The following THSD7B variants were observed in gnomAD, a reference collection of about 807,000 sequenced individuals.
The protein encoded by THSD7B is thrombospondin type-1 domain-containing protein 7B.
THSD7B carries 138 observed loss-of-function variants against 213.6 expected under a neutral mutation model. The ratio of observed to expected loss-of-function variants is 0.65; its 90% CI spans 0.56 to 0.74. The LOEUF is 0.74. Among genes scored for constraint, THSD7B ranks in the 30% least tolerant of loss-of-function variants. The probability of loss-of-function intolerance (pLI) is 0.00; values close to 1 mark genes in which losing one functional copy is unlikely to be tolerated. For synonymous variants in THSD7B, 742 were observed against 687.0 expected (o/e 1.08, Z -1.25); for missense variants, 1,931 against 1,991.5 (o/e 0.97, Z 0.58).
intron 12 of THSD7B, among the ~76,000 whole-genome samples, chr2:137,284,494 G>T (rs1412732916): frequency 6.6e-6 from 1 of 151,754 alleles, no homozygotes; most frequent in Non-Finnish European, 1.5e-5. Context: ...GTGATGTTAG[G>T]GTGTCAATTT....
intron 15 of THSD7B, among the ~76,000 whole-genome samples, chr2:137,553,708 A>G (rs1680895358): frequency 6.6e-6 from 1 of 152,158 alleles, no homozygotes; most frequent in Non-Finnish European, 1.5e-5. Flanking sequence ...CCATTCAGAA[A>G]TAGATTTCAT....
intron 1 of THSD7B, among the ~76,000 whole-genome samples, chr2:136,862,157 G>T (rs1016623845): frequency 6.6e-6 from 1 of 152,198 alleles, no homozygotes; most frequent in Non-Finnish European, 1.5e-5. Flanking sequence ...CCCATTAGGG[G>T]TGGGACTGTA....
chr2:137,365,501 G>C (rs1685386578), intron 12 of THSD7B, among the ~76,000 whole-genome samples: 1 of 152,140 alleles, frequency 6.6e-6, no homozygotes, highest in Non-Finnish European at 1.5e-5. Context: ...ATCTGACAAA[G>C]GGCTAATATC....
At chr2:137,357,408 A>G (rs1219785141) in intron 12 of THSD7B, among the ~76,000 whole-genome samples, 1 of 151,654 alleles carries the variant, frequency 6.6e-6, no homozygotes, top group East Asian at 1.9e-4. Flanking sequence ...TCTGAGCTTT[A>G]GAGTTTTTTT....
chr2:137,075,361 C>T (rs182825366), intron 3 of THSD7B, among the ~76,000 whole-genome samples: 1 of 152,310 alleles, frequency 6.6e-6, no homozygotes, highest in East Asian at 1.9e-4. Context: ...GGTACTCTTT[C>T]TTCCAGTTGA....
intron 17 of THSD7B, among the ~76,000 whole-genome samples, chr2:137,588,434 G>A (rs1031093705): frequency 1.5e-4 from 22 of 151,198 alleles, no homozygotes; most frequent in African/African-American, 5.3e-4. Flanking sequence ...CTCATGCTGG[G>A]CTATTTGATG....
At chr2:137,616,962 C>T (rs1682398517) in intron 18 of THSD7B, among the ~76,000 whole-genome samples, 1 of 152,064 alleles carries the variant, frequency 6.6e-6, no homozygotes, top group Non-Finnish European at 1.5e-5. Context: ...TAAGTCACAG[C>T]ATTGAATTCA....
chr2:137,029,983 A>C (rs1429867611), intron 2 of THSD7B, among the ~76,000 whole-genome samples: 2 of 152,172 alleles, frequency 1.3e-5, no homozygotes, highest in African/African-American at 2.4e-5. Flanking sequence ...TGATCTGTAT[A>C]AGACTGTGCT....
At chr2:137,357,717 A>G (rs114590105) in intron 12 of THSD7B, among the ~76,000 whole-genome samples, 1,972 of 152,274 alleles carry the variant, frequency 0.013, 56 homozygotes, top group African/African-American at 0.046. Flanking sequence ...CAGTTCTCCT[A>G]CCCACCACTC....
At chr2:136,938,343 A>G (rs1684766543) in intron 2 of THSD7B, among the ~76,000 whole-genome samples, 2 of 152,170 alleles carry the variant, frequency 1.3e-5, no homozygotes, top group South Asian at 2.1e-4. Flanking sequence ...GAACCCAGAG[A>G]CTGAGGAGCT....
chr2:136,880,474 AG>A (rs1683600123), intron 1 of THSD7B, among the ~76,000 whole-genome samples: 1 of 152,122 alleles, frequency 6.6e-6, no homozygotes, highest in Non-Finnish European at 1.5e-5. Flanking sequence ...ACTCCACTAC[AG>A]TTTTCTTATT....
chr2:136,912,854 C>T (rs903092233), intron 2 of THSD7B, among the ~76,000 whole-genome samples: 1 of 152,164 alleles, frequency 6.6e-6, no homozygotes, highest in Non-Finnish European at 1.5e-5. Flanking sequence ...TTCCCAGTCT[C>T]AGATATGTCT....
chr2:137,124,099 A>G (rs567249283), intron 5 of THSD7B, among the ~76,000 whole-genome samples: 37 of 152,250 alleles, frequency 2.4e-4, no homozygotes, highest in African/African-American at 8.9e-4. Context: ...ATGAACAGTT[A>G]AGTTCTTTTT....
Position 136,973,147 on chromosome 2 carries a change from A to G in THSD7B, c.140-83273A>G, listed in dbSNP as rs1048236607. ...AATCTTAGGAAGCACAAAGATTATGACTGGTGAATATTTTTCTTTCTTCAT... is the reference window on the plus strand; with the variant it reads ...AATCTTAGGAAGCACAAAGATTATGGCTGGTGAATATTTTTCTTTCTTCAT... On this transcript the variant is annotated intron_variant, in intron 2 of 27. Coordinates refer to ENST00000409968, the MANE Select transcript of THSD7B (RefSeq NM_001316349.2). 8.5e-5 allele frequency among the ~76,000 whole-genome samples: 13 copies of G among 152,266 alleles called. 1 individual carries two copies. In the South Asian group the frequency reaches 1.7e-3, roughly 19 times the overall value.
intron 1 of THSD7B, among the ~76,000 whole-genome samples, chr2:136,793,033 G>T (rs1286842719): frequency 6.6e-6 from 1 of 151,966 alleles, no homozygotes; most frequent in Non-Finnish European, 1.5e-5. Context: ...TATGAATAAT[G>T]CTGCTATAAA....
chr2:137,237,314 T>G (rs1292472469), intron 9 of THSD7B, among the ~76,000 whole-genome samples: 4 of 152,220 alleles, frequency 2.6e-5, no homozygotes, highest in Admixed American at 2.6e-4. Context: ...GGGCCATGTA[T>G]GCTTACTAGC....
At chr2:136,794,311 A>G (rs2710187) in intron 1 of THSD7B, among the ~76,000 whole-genome samples, 25,989 of 151,218 alleles carry the variant, frequency 0.17, 2,496 homozygotes, top group East Asian at 0.3. Flanking sequence ...TTGATCTTTT[A>G]CCTTTATACT....
intron 11 of THSD7B, among the ~76,000 whole-genome samples, chr2:137,275,146 GT>G (rs1682838516): frequency 1.3e-5 from 2 of 152,064 alleles, no homozygotes; most frequent in African/African-American, 4.8e-5. Flanking sequence ...TAAAAATAGA[GT>G]TTTGTTGACC....
At chr2:137,079,260 T>C (rs1469442800) in intron 3 of THSD7B, among the ~76,000 whole-genome samples, 1 of 152,160 alleles carries the variant, frequency 6.6e-6, no homozygotes, top group Non-Finnish European at 1.5e-5. Context: ...TTGATTATAT[T>C]TTTTAGTTTT....
Sources: allele counts gnomAD v4.1 joint callset (sites outside exome capture counted in the v4.1 genomes callset), GRCh38; gene constraint gnomAD v4.1.1; transcripts MANE v1.5; gene names NCBI Gene and HGNC (gene_info 2026-07-23, HGNC 2026-07-21).